Variants in SORBS2 observed in about 807,000 individuals in gnomAD.
The protein encoded by SORBS2 is sorbin and SH3 domain containing 2.
SORBS2 carries 46 observed loss-of-function variants against 97.7 expected under a neutral mutation model. That is an observed-to-expected ratio of 0.47 (90% CI 0.37 to 0.60). The LOEUF (loss-of-function observed/expected upper bound fraction) is 0.60. Among genes scored for constraint, SORBS2 ranks in the 20% least tolerant of loss-of-function variants. The pLI is 0.00. For synonymous variants in SORBS2, 476 were observed against 473.4 expected, an observed-to-expected ratio of 1.01 and a Z score of -0.07; for missense variants, 1,316 against 1,282.3, an observed-to-expected ratio of 1.03 and a Z score of -0.40.
intron 1 of SORBS2, among the ~76,000 whole-genome samples, chr4:185,832,619 T>C (rs958456639): frequency 6.6e-6 from 1 of 152,244 alleles, no homozygotes; most frequent in African/African-American, 2.4e-5. Context: ...TTAATTTCAG[T>C]TTCTTATATC....
In SORBS2 at chr4:185,629,560, A is replaced by ATTT. The variant is rs201590422; in HGVS notation, c.446+986_446+988dup. On this transcript the variant is annotated intron_variant, in intron 5 of 14. Transcript: ENST00000418609. Reference sequence around the variant, plus strand: ...TGTCTGAATATGTCTGAATTTTGTGATTTGTTTTTTTTTTTTTTTTTAGAC... The same window carrying ATTT: ...TGTCTGAATATGTCTGAATTTTGTGATTTTTTGTTTTTTTTTTTTTTTTTAGAC... Among the ~76,000 whole-genome samples, 233 of 134,076 alleles carry ATTT rather than the reference A, an allele frequency of 1.7e-3. 7 individuals are homozygous for ATTT. The highest frequency in any genetic ancestry group is 2.2e-3 in the Non-Finnish European group (144 of 65,030). The allele number at this position is 134,076 out of a possible 152,430, so 88.0% of individuals were successfully genotyped here. A position where few individuals can be genotyped will look rare whatever the true frequency, so the allele number is the denominator to read the frequency against.
chr4:185,926,258 T>C (rs1031218851), intron 1 of SORBS2, among the ~76,000 whole-genome samples: 7 of 152,226 alleles, frequency 4.6e-5, no homozygotes, highest in African/African-American at 1.7e-4. Context: ...GGTAAGAGGC[T>C]ACAGCATAGT....
upstream of SORBS2, chr4:185,657,528 A>G: frequency 6.3e-7 from 1 of 1,586,628 alleles, no homozygotes; most frequent in Non-Finnish European, 8.5e-7. Context: ...GAGGATCGGT[A>G]CAGGGGGATA....
At chr4:185,592,904 G>C (rs1476689553) in intron 13 of SORBS2, 1 of 152,080 alleles carries the variant, frequency 6.6e-6, no homozygotes, top group Non-Finnish European at 1.5e-5. Flanking sequence ...AGACTTTCCC[G>C]CAACAAGAAC....
At chr4:185,931,709 T>G (rs560822554) in intron 1 of SORBS2, among the ~76,000 whole-genome samples, 2 of 151,682 alleles carry the variant, frequency 1.3e-5, no homozygotes, top group East Asian at 3.9e-4. Context: ...TTAGACTAAA[T>G]GGGCCAAGGA....
chr4:185,664,150 G>A (rs1041898406), intron 4 of SORBS2, among the ~76,000 whole-genome samples: 2 of 151,984 alleles, frequency 1.3e-5, no homozygotes, highest in African/African-American at 2.4e-5. Flanking sequence ...CACCGCGCCC[G>A]GCCTAGATTT....
intron 2 of SORBS2, among the ~76,000 whole-genome samples, chr4:185,758,716 C>T (rs914980117): frequency 5.9e-5 from 9 of 152,194 alleles, no homozygotes; most frequent in South Asian, 2.1e-4. Flanking sequence ...CTGGCACTCA[C>T]CCTTTCTTTC....
chr4:185,947,635 G>C (rs914794669), intron 1 of SORBS2, among the ~76,000 whole-genome samples: 2 of 152,048 alleles, frequency 1.3e-5, no homozygotes, highest in African/African-American at 4.8e-5. Context: ...TTTTGAGATG[G>C]AGTTTCGCTC....
At chr4:185,715,192 T>C (rs116061161) in intron 2 of SORBS2, among the ~76,000 whole-genome samples, 2,758 of 152,332 alleles carry the variant, frequency 0.018, 97 homozygotes, top group African/African-American at 0.064. Context: ...GAAAGAGTGA[T>C]GTTAAGACTA....
At chr4:185,705,940 A>G (rs2098336169) in intron 2 of SORBS2, among the ~76,000 whole-genome samples, 1 of 152,170 alleles carries the variant, frequency 6.6e-6, no homozygotes, top group African/African-American at 2.4e-5. Flanking sequence ...TCACTTGAGG[A>G]ATCTCTAGAT....
intron 2 of SORBS2, among the ~76,000 whole-genome samples, chr4:185,729,611 C>G (rs2098597891): frequency 6.6e-6 from 1 of 152,250 alleles, no homozygotes. Context: ...AATTTCTACT[C>G]TGTGAAAGAC....
chr4:185,931,460 C>A (rs1038268802), intron 1 of SORBS2, among the ~76,000 whole-genome samples: 4 of 152,096 alleles, frequency 2.6e-5, no homozygotes, highest in African/African-American at 9.7e-5. Context: ...ACTACAAGGA[C>A]GAGCGGAGAC....
chr4:185,684,823 G>A lies in SORBS2; in HGVS notation c.-197-6001C>T, dbSNP rs1328175160. ...GTTAGCGTAACAGACATGGCGGCACGTTTGCGAGCACACCCACCGCTATCT... is the reference window on the plus strand; with the variant it reads ...GTTAGCGTAACAGACATGGCGGCACATTTGCGAGCACACCCACCGCTATCT... On this transcript the variant is annotated intron_variant, in intron 2 of 20. Transcript: ENST00000284776. The surrounding 1 kb of genome is among the most constrained non-coding windows in gnomAD (Gnocchi z 4.2). 2.6e-6 allele frequency: 4 copies of A among 1,551,772 alleles called. No homozygotes were observed. Among genetic ancestry groups the A allele is most frequent in the African/African-American group, 1.4e-5 (1 of 73,030 alleles).
At chr4:185,753,569 A>G (rs557898951) in intron 2 of SORBS2, among the ~76,000 whole-genome samples, 14 of 152,314 alleles carry the variant, frequency 9.2e-5, no homozygotes, top group Admixed American at 8.5e-4. Flanking sequence ...CAGATAAAGT[A>G]AAAAAGATAA....
At chr4:185,893,122 A>G (rs763289407) in intron 1 of SORBS2, among the ~76,000 whole-genome samples, 3 of 152,198 alleles carry the variant, frequency 2.0e-5, no homozygotes, top group Non-Finnish European at 4.4e-5. Flanking sequence ...GAAGAAAGAG[A>G]TAATCAGGCA....
At chr4:185,881,702 G>T (rs571375539) in intron 1 of SORBS2, among the ~76,000 whole-genome samples, 1 of 152,240 alleles carries the variant, frequency 6.6e-6, no homozygotes, top group Admixed American at 6.5e-5. Context: ...TGGGTGTGAG[G>T]ATTGATTCTT....
At chr4:185,768,129 C>T (rs771450074) in intron 2 of SORBS2, among the ~76,000 whole-genome samples, 3 of 152,152 alleles carry the variant, frequency 2.0e-5, no homozygotes, top group African/African-American at 4.8e-5. Flanking sequence ...CATTGCCCAT[C>T]TTCTTTTGCA....
chr4:185,798,419 T>C (rs2099115591), intron 1 of SORBS2, among the ~76,000 whole-genome samples: 2 of 152,184 alleles, frequency 1.3e-5, no homozygotes, highest in Admixed American at 1.3e-4. Context: ...GCCAGTCAAA[T>C]CCTGTATTAC....
intron 2 of SORBS2, among the ~76,000 whole-genome samples, chr4:185,733,383 G>T (rs1195464364): frequency 1.3e-5 from 2 of 152,238 alleles, no homozygotes; most frequent in Non-Finnish European, 2.9e-5. Context: ...AGGCCTGGGA[G>T]CCAGCAGGCC....
Sources: allele counts gnomAD v4.1 joint callset (sites outside exome capture counted in the v4.1 genomes callset), GRCh38; gene constraint gnomAD v4.1.1; non-coding constraint Gnocchi (gnomAD v3.1); transcripts MANE v1.5; gene names NCBI Gene and HGNC (gene_info 2026-07-23, HGNC 2026-07-21).